Variants in USP14 observed in about 807,000 individuals in gnomAD.
The protein encoded by USP14 is ubiquitin carboxyl-terminal hydrolase 14.
USP14 carries 38 observed loss-of-function variants against 76.5 expected under a neutral mutation model. The observed-to-expected ratio is 0.50, with a 90% confidence interval of 0.38 to 0.65. The LOEUF is 0.65. USP14 is among the 30% of genes least tolerant of loss of function. The pLI is 0.00. For missense variants in USP14, 467 were observed against 586.5 expected, an observed-to-expected ratio of 0.80 and a Z score of 2.10; for synonymous variants, 192 against 191.7, an observed-to-expected ratio of 1.00 and a Z score of -0.01.
intron 5 of USP14, among the ~76,000 whole-genome samples, chr18:191,205 G>A (rs1910076324): frequency 6.6e-6 from 1 of 152,020 alleles, no homozygotes; most frequent in South Asian, 2.1e-4. Context: ...TGATTTTCAG[G>A]TTTTTAAAAA....
chr18:199,622 C>T (rs1452063518), intron 10 of USP14, among the ~76,000 whole-genome samples: 1 of 152,144 alleles, frequency 6.6e-6, no homozygotes, highest in Non-Finnish European at 1.5e-5. Context: ...TGAGTGCTGT[C>T]TAGTGTTTCT....
chr18:183,648 T>TCATG (rs1246330002), intron 5 of USP14, among the ~76,000 whole-genome samples: 1 of 152,126 alleles, frequency 6.6e-6, no homozygotes, highest in Non-Finnish European at 1.5e-5. Context: ...TGCTTACTTA[T>TCATG]CATGACCTTC....
chr18:193,000 C>A, intron 6 of USP14, 100 bp downstream of exon 6: 1 of 894,834 alleles, frequency 1.1e-6, no homozygotes, highest in Non-Finnish European at 1.7e-6. Flanking sequence ...TAAAACATCA[C>A]CTCATTAAGC....
intron 3 of USP14, among the ~76,000 whole-genome samples, chr18:178,462 A>C (rs142318115): frequency 6.6e-6 from 1 of 152,332 alleles, no homozygotes; most frequent in East Asian, 1.9e-4. Flanking sequence ...AGCTTTATTC[A>C]GGTACAATTT....
chr18:202,770 A>G (rs1409533432), intron 10 of USP14, 110 bp from the exon 11 acceptor site: 5 of 965,524 alleles, frequency 5.2e-6, no homozygotes, highest in Admixed American at 4.3e-5. Context: ...TGTACTGTAT[A>G]TTGCCTCTTA....
chr18:161,763 A>G (rs983931516), intron 1 of USP14, among the ~76,000 whole-genome samples: 1 of 152,214 alleles, frequency 6.6e-6, no homozygotes, highest in African/African-American at 2.4e-5. Flanking sequence ...TATTTTTGAG[A>G]AGGTATAAAA....
At position 180,480 on chromosome 18, in the gene USP14, T is replaced by G. The variant is rs548965113; in HGVS notation, c.404+141T>G. 23 of 611,906 alleles carry G rather than the reference T, an allele frequency of 3.8e-5. No individual in the cohort carries two copies. In the African/African-American group the frequency reaches 4.3e-4, roughly 11 times the overall value. 37.9% of individuals were successfully genotyped at this position (611,906 alleles called of 1,614,324 possible). A position where few individuals can be genotyped will look rare whatever the true frequency, so the allele number is the denominator to read the frequency against. ...GCATTTTAAAGTGTTTAATGCTTTTTATAGTATTTACAAGTTTGTGCAACC... is the reference window on the plus strand; with the variant it reads ...GCATTTTAAAGTGTTTAATGCTTTTGATAGTATTTACAAGTTTGTGCAACC... On this transcript the variant is annotated intron_variant, in intron 5 of 15. Transcript: ENST00000261601.
At chr18:168,867 C>T (rs1383254134) in intron 3 of USP14, among the ~76,000 whole-genome samples, 8 of 147,600 alleles carry the variant, frequency 5.4e-5, no homozygotes, top group Non-Finnish European at 1.0e-4. Flanking sequence ...AGTCGGAGAT[C>T]GAGACCATCC....
At chr18:165,703 A>G (rs1479102126) in intron 2 of USP14, among the ~76,000 whole-genome samples, 1 of 152,218 alleles carries the variant, frequency 6.6e-6, no homozygotes, top group African/African-American at 2.4e-5. Context: ...CATCAAGCAG[A>G]TCTGTGTTCA....
intron 4 of USP14, 22 bp from the exon 5 acceptor site, chr18:180,211 CTTT>C (rs79829832): frequency 2.7e-3 from 2,656 of 973,884 alleles, no homozygotes; most frequent in South Asian, 4.9e-3. Flanking sequence ...TGATTTAATC[CTTT>C]TTTTTTTTTT....
At chr18:175,029 TC>T (rs1909589688) in intron 3 of USP14, among the ~76,000 whole-genome samples, 1 of 152,110 alleles carries the variant, frequency 6.6e-6, no homozygotes, top group Admixed American at 6.6e-5. Flanking sequence ...TGCCTTGAGC[TC>T]CCAAAGTGCT....
intron 1 of USP14, among the ~76,000 whole-genome samples, chr18:159,765 A>G (rs539236797): frequency 2.0e-5 from 3 of 152,200 alleles, no homozygotes; most frequent in Non-Finnish European, 4.4e-5. Flanking sequence ...ACATAAAACA[A>G]AACCCCTCTG....
At chr18:189,391 T>C (rs1910023807) in intron 5 of USP14, among the ~76,000 whole-genome samples, 1 of 152,200 alleles carries the variant, frequency 6.6e-6, no homozygotes. Flanking sequence ...AGATTTTGCT[T>C]GTTCTCTATT....
intron 1 of USP14, among the ~76,000 whole-genome samples, chr18:160,203 C>CT (rs1196361669): frequency 1.3e-5 from 2 of 151,980 alleles, no homozygotes; most frequent in African/African-American, 4.8e-5. Flanking sequence ...ACTGGGGAGG[C>CT]TGAGGCAGGA....
intron 5 of USP14, among the ~76,000 whole-genome samples, chr18:182,909 C>G (rs1365353706): frequency 6.6e-6 from 1 of 152,082 alleles, no homozygotes; most frequent in African/African-American, 2.4e-5. Context: ...CAGGGGCCAG[C>G]CAGAAATCTT....
At chr18:171,863 T>C (rs1241992904) in intron 3 of USP14, among the ~76,000 whole-genome samples, 47 of 152,196 alleles carry the variant, frequency 3.1e-4, no homozygotes, top group Admixed American at 3.1e-3. Flanking sequence ...AAGAAGTTGA[T>C]TCTAACCCTC....
intron 5 of USP14, among the ~76,000 whole-genome samples, chr18:182,491 C>T (rs1909812929): frequency 6.6e-6 from 1 of 152,080 alleles, no homozygotes. Flanking sequence ...TTCTCTGAAG[C>T]GAATAGTTGT....
intron 13 of USP14, among the ~76,000 whole-genome samples, chr18:205,296 T>G (rs1411176965): frequency 2.0e-5 from 3 of 152,226 alleles, no homozygotes; most frequent in Non-Finnish European, 4.4e-5. Flanking sequence ...CCTTTTATAC[T>G]TATCTCCTCA....
intron 12 of USP14, 23 bp downstream of exon 12, chr18:203,213 T>C (rs1910430845): frequency 6.3e-7 from 1 of 1,585,100 alleles, no homozygotes. Context: ...CTTTACTTTG[T>C]ATAAGAAATG....
Sources: allele counts gnomAD v4.1 joint callset (sites outside exome capture counted in the v4.1 genomes callset), GRCh38; gene constraint gnomAD v4.1.1; transcripts MANE v1.5; gene names NCBI Gene and HGNC (gene_info 2026-07-23, HGNC 2026-07-21).